The following TSPAN15 variants were observed in gnomAD, a reference collection of about 807,000 sequenced individuals.
TSPAN15 encodes the protein tetraspanin 15.
Under a neutral mutation model 34.5 loss-of-function variants are expected in TSPAN15, and 20 were observed. The observed-to-expected ratio is 0.58, with a 90% confidence interval of 0.41 to 0.84. The LOEUF (loss-of-function observed/expected upper bound fraction) is 0.84. Ranked by LOEUF, TSPAN15 falls within the 40% of genes least tolerant of loss-of-function variation. The pLI, the probability that TSPAN15 is intolerant of heterozygous loss-of-function variation, is 0.00. For synonymous variants in TSPAN15, 155 were observed against 153.9 expected (o/e 1.01, Z -0.05); for missense variants, 313 against 386.1 (o/e 0.81, Z 1.59).
the TSPAN15 span, among the ~76,000 whole-genome samples, chr10:69,512,899 G>T: frequency 6.6e-6 from 1 of 152,178 alleles, no homozygotes; most frequent in South Asian, 2.1e-4. Flanking sequence ...ATGAATACTT[G>T]TGCATGTGTC....
Position 69,506,474 on chromosome 10 carries a change from G to A in TSPAN15, c.735+234G>A, listed in dbSNP as rs570965452. 9.8e-5 allele frequency: 58 copies of A among 594,858 alleles called. No individual in the cohort carries two copies. Among genetic ancestry groups the A allele is most frequent in the African/African-American group, 6.1e-4 (33 of 53,860 alleles). The allele number at this position is 594,858 out of a possible 1,614,324, so 36.8% of individuals were successfully genotyped here. ...TTTGTGAGGGAGGCACTATTATAATGCCTATTTCACAGAGGAGGAAACTGA... is the reference window on the plus strand; with the variant it reads ...TTTGTGAGGGAGGCACTATTATAATACCTATTTCACAGAGGAGGAAACTGA... On this transcript the variant is annotated intron_variant, in intron 7 of 7. Transcript: ENST00000373290. This position sits in a 1 kb window ranked among gnomAD's most constrained non-coding sequence, Gnocchi z 4.7.
the TSPAN15 span, among the ~76,000 whole-genome samples, chr10:69,527,224 G>T: frequency 2.1e-3 from 315 of 147,942 alleles, 24 homozygotes; most frequent in African/African-American, 7.5e-3. Context: ...TGGCTTCCCT[G>T]GGCCACGTTG....
chr10:69,533,008 T>A, the TSPAN15 span, among the ~76,000 whole-genome samples: 2 of 152,230 alleles, frequency 1.3e-5, no homozygotes, highest in South Asian at 4.1e-4. Flanking sequence ...ATGGTCATAA[T>A]CAAAAAATCA....
intron 1 of TSPAN15, among the ~76,000 whole-genome samples, chr10:69,474,523 A>G (rs542993990): frequency 8.5e-5 from 13 of 152,146 alleles, no homozygotes; most frequent in Admixed American, 7.9e-4. Context: ...GATCTGGGCC[A>G]TCTTACTCAC....
At chr10:69,531,427 C>G in the TSPAN15 span, among the ~76,000 whole-genome samples, 1 of 152,050 alleles carries the variant, frequency 6.6e-6, no homozygotes, top group Non-Finnish European at 1.5e-5. Flanking sequence ...GGCAAAACCC[C>G]GTCTCTACTA....
Position 69,498,412 on chromosome 10 carries a change from G to A in TSPAN15, c.570+16G>A, listed in dbSNP as rs745997820. The A allele has an allele frequency of 7.5e-6, 12 of 1,607,330 alleles. No individual in the cohort carries two copies. The highest frequency in any genetic ancestry group is 9.4e-6 in the Non-Finnish European group (11 of 1,174,110). ...CAGGAACACGGTAGACACTGCTCCT[G>A]TGGGGACTGGGGGGCTGTCGGGGAC... On this transcript the variant is annotated intron_variant, in intron 5 of 7. Transcript: ENST00000373290.
chr10:69,543,234 C>T, the TSPAN15 span, among the ~76,000 whole-genome samples: 1 of 152,116 alleles, frequency 6.6e-6, no homozygotes, highest in Non-Finnish European at 1.5e-5. Context: ...TGGTCTCCAC[C>T]ACATACAGTG....
In TSPAN15 at chr10:69,506,615, C is replaced by T. The variant is rs1257469387; in HGVS notation, c.736-214C>T. Among the ~76,000 whole-genome samples the T allele has an allele frequency of 1.3e-5, 2 of 152,130 alleles. No homozygotes were observed. Among genetic ancestry groups the T allele is most frequent in the African/African-American group, 2.4e-5 (1 of 41,444 alleles). On this transcript the variant is annotated intron_variant, in intron 7 of 7. Transcript: ENST00000373290. This position sits in a 1 kb window ranked among gnomAD's most constrained non-coding sequence, Gnocchi z 4.7. The stretch of plus-strand genomic sequence containing the variant: ...CTTGCTGATGGGGCACAGCGAGGCG[C>T]TCTGGGATTTCCTGGGAAGGGGAGA...
In TSPAN15 at chr10:69,485,170, C is replaced by A. The variant is rs1301674373; in HGVS notation, c.312C>A (p.Ile104=). Residue 104 remains isoleucine (I), a synonymous_variant, in exon 3 of 8, where the codon ATC becomes ATA. Transcript: ENST00000373290. ...AFMYILGICL[I]MELIGGVVAL... The stretch of plus-strand genomic sequence containing the variant: ...TGTACATCCTTGGGATCTGCCTCAT[C>A]ATGGAGCTCATTGGTGGCGTGGTGG... 6 of 1,614,168 alleles carry A rather than the reference C, an allele frequency of 3.7e-6. No individual in the cohort carries two copies. The highest frequency in any genetic ancestry group is 3.4e-6 in the Non-Finnish European group (4 of 1,180,032).
intron 1 of TSPAN15, among the ~76,000 whole-genome samples, chr10:69,463,738 A>G (rs1347433253): frequency 2.1e-5 from 3 of 146,286 alleles, no homozygotes. Flanking sequence ...TGAACCTGGG[A>G]GGTGGAGGTT....
At chr10:69,517,022 T>C in the TSPAN15 span, among the ~76,000 whole-genome samples, 3 of 152,222 alleles carry the variant, frequency 2.0e-5, no homozygotes. Context: ...GGACTCCTTA[T>C]AGGCTGTGGC....
At chr10:69,528,010 G>A in the TSPAN15 span, among the ~76,000 whole-genome samples, 4 of 148,278 alleles carry the variant, frequency 2.7e-5, no homozygotes, top group African/African-American at 9.8e-5. Flanking sequence ...GTGGCCAGTG[G>A]TGCTTTTGCC....
At chr10:69,455,342 CA>C (rs140570166) in intron 1 of TSPAN15, among the ~76,000 whole-genome samples, 3,859 of 152,140 alleles carry the variant, frequency 0.025, 178 homozygotes, top group African/African-American at 0.089. Flanking sequence ...ACACTATACA[CA>C]GAACTACGTA....
the TSPAN15 span, chr10:69,523,330 C>A: frequency 9.6e-6 from 5 of 518,564 alleles, no homozygotes; most frequent in Non-Finnish European, 1.7e-5. Flanking sequence ...AGAAAGCCAG[C>A]CCAAGAGTAG....
At chr10:69,516,851 G>A in the TSPAN15 span, among the ~76,000 whole-genome samples, 1 of 152,210 alleles carries the variant, frequency 6.6e-6, no homozygotes, top group Non-Finnish European at 1.5e-5. Flanking sequence ...TGAGAGATGA[G>A]GTTGTGGTGC....
chr10:69,544,219 C>A, the TSPAN15 span, among the ~76,000 whole-genome samples: 1 of 152,150 alleles, frequency 6.6e-6, no homozygotes, highest in Admixed American at 6.5e-5. Flanking sequence ...AACTATTAAT[C>A]CCTTTTTGAA....
chr10:69,547,101 C>A, the TSPAN15 span, among the ~76,000 whole-genome samples: 1 of 152,062 alleles, frequency 6.6e-6, no homozygotes, highest in African/African-American at 2.4e-5. Flanking sequence ...ACTCAGGAGG[C>A]TGAGGCAGGA....
intron 1 of TSPAN15, among the ~76,000 whole-genome samples, chr10:69,452,378 T>C (rs950453053): frequency 1.3e-5 from 2 of 152,254 alleles, no homozygotes; most frequent in African/African-American, 4.8e-5. Flanking sequence ...TATTTTATTT[T>C]TTATTTAAAA....
intron 1 of TSPAN15, among the ~76,000 whole-genome samples, chr10:69,468,230 G>C (rs1204266990): frequency 6.6e-6 from 1 of 152,064 alleles, no homozygotes. Flanking sequence ...CCCTGTGTCA[G>C]GCACTGGGGA....
Sources: gnomAD v4.1 joint callset for allele counts (sites outside exome capture counted in the v4.1 genomes callset) on GRCh38, gnomAD v4.1.1 for gene constraint, Gnocchi (gnomAD v3.1) non-coding constraint, MANE v1.5 for transcripts, NCBI Gene and HGNC (gene_info 2026-07-23, HGNC 2026-07-21) for gene names.